Variants in CAMTA1 observed in about 807,000 individuals in gnomAD.
CAMTA1 encodes calmodulin binding transcription activator 1, also known as calmodulin-binding transcription activator 1.
Under a neutral mutation model 170.9 loss-of-function variants are expected in CAMTA1, and 27 were observed. The observed-to-expected ratio is 0.16, with a 90% confidence interval of 0.12 to 0.22. The LOEUF is 0.22. Ranked by LOEUF, CAMTA1 falls within the 10% of genes least tolerant of loss-of-function variation. The pLI, the probability that CAMTA1 is intolerant of heterozygous loss-of-function variation, is 1.00. For missense variants in CAMTA1, 1,619 were observed against 2,217.2 expected, an observed-to-expected ratio of 0.73 and a Z score of 5.42; for synonymous variants, 833 against 891.5, an observed-to-expected ratio of 0.93 and a Z score of 1.17.
intron 6 of CAMTA1, among the ~76,000 whole-genome samples, chr1:7,575,664 A>G (rs2095182071): frequency 6.6e-6 from 1 of 152,228 alleles, no homozygotes; most frequent in Non-Finnish European, 1.5e-5. Context: ...ATCAAGGAGG[A>G]GTCTGAGTTC....
chr1:6,892,330 G>T (rs1557775635), intron 3 of CAMTA1, among the ~76,000 whole-genome samples: 1 of 152,152 alleles, frequency 6.6e-6, no homozygotes, highest in Non-Finnish European at 1.5e-5. Context: ...CCATCAGCAG[G>T]CTCTGGGATA....
chr1:7,404,369 A>T (rs2090137556), intron 5 of CAMTA1, among the ~76,000 whole-genome samples: 1 of 152,164 alleles, frequency 6.6e-6, no homozygotes, highest in African/African-American at 2.4e-5. Context: ...TATTCCGTAC[A>T]ATTCTATATG....
intron 3 of CAMTA1, among the ~76,000 whole-genome samples, chr1:6,928,868 C>T (rs1217716496): frequency 6.6e-6 from 1 of 152,230 alleles, no homozygotes; most frequent in African/African-American, 2.4e-5. Flanking sequence ...CAAGCTTCAT[C>T]ATGCAGGCAG....
At chr1:7,405,246 G>A (rs922191509) in intron 5 of CAMTA1, among the ~76,000 whole-genome samples, 5 of 152,142 alleles carry the variant, frequency 3.3e-5, no homozygotes, top group Non-Finnish European at 7.4e-5. Context: ...CACAAGATGG[G>A]CCTAAAAGCG....
intron 11 of CAMTA1, among the ~76,000 whole-genome samples, chr1:7,692,056 C>T (rs979439383): frequency 2.0e-5 from 3 of 152,040 alleles, no homozygotes; most frequent in African/African-American, 7.2e-5. Flanking sequence ...TCAGGGCTGA[C>T]TGCAGCTTTA....
At chr1:7,487,806 G>C (rs2093637564) in intron 6 of CAMTA1, among the ~76,000 whole-genome samples, 1 of 152,202 alleles carries the variant, frequency 6.6e-6, no homozygotes, top group African/African-American at 2.4e-5. Context: ...GCCCTTGTCT[G>C]TCCTTCACCC....
chr1:7,494,673 G>A lies in CAMTA1; in HGVS notation c.510+26772G>A, dbSNP rs190200963. Among the ~76,000 whole-genome samples the A allele has an allele frequency of 6.4e-3, 969 of 152,070 alleles. 11 individuals carry two copies. The highest frequency in any genetic ancestry group is 0.054 in the Middle Eastern group (16 of 294). ...ACAAAAATTAGCCAGGTGTGGTGGC[G>A]CACACCTGTAATCCCAGCTACTCAG... On this transcript the variant is annotated intron_variant, in intron 6 of 22. Coordinates refer to ENST00000303635, the MANE Select transcript of CAMTA1 (RefSeq NM_015215.4).
chr1:7,425,044 T>G (rs1184910477), intron 5 of CAMTA1, among the ~76,000 whole-genome samples: 1 of 152,078 alleles, frequency 6.6e-6, no homozygotes, highest in Non-Finnish European at 1.5e-5. Context: ...AGAGCACTGC[T>G]TATTTACTTT....
chr1:6,785,633 C>T (rs1638927989), intron 1 of CAMTA1, 58 bp downstream of exon 1: 4 of 954,252 alleles, frequency 4.2e-6, no homozygotes, highest in Non-Finnish European at 3.8e-6. Flanking sequence ...GGACCCGGCC[C>T]CGCCGGACAT....
At chr1:7,743,645 T>C (rs1418015157) in intron 16 of CAMTA1, among the ~76,000 whole-genome samples, 1 of 152,070 alleles carries the variant, frequency 6.6e-6, no homozygotes, top group East Asian at 1.9e-4. Context: ...AGGAGAAGCA[T>C]TTTGTCACTT....
chr1:7,119,263 C>T (rs1425889050), intron 4 of CAMTA1, among the ~76,000 whole-genome samples: 22 of 152,160 alleles, frequency 1.4e-4, no homozygotes, highest in Non-Finnish European at 2.6e-4. Context: ...CTGCTGAAAC[C>T]CCACCTTTCT....
chr1:7,194,239 T>G (rs2148966134), intron 4 of CAMTA1, among the ~76,000 whole-genome samples: 1 of 152,318 alleles, frequency 6.6e-6, no homozygotes, highest in East Asian at 1.9e-4. Context: ...AGCTACTTTT[T>G]TGGTACGTTG....
intron 5 of CAMTA1, among the ~76,000 whole-genome samples, chr1:7,330,262 C>G (rs1400471686): frequency 6.6e-6 from 1 of 152,148 alleles, no homozygotes; most frequent in African/African-American, 2.4e-5. Flanking sequence ...AACAGAGGGT[C>G]CAAGACACCA....
At chr1:7,088,442 C>T (rs978977063) in intron 3 of CAMTA1, among the ~76,000 whole-genome samples, 2 of 152,196 alleles carry the variant, frequency 1.3e-5, no homozygotes, top group African/African-American at 2.4e-5. Flanking sequence ...CTGTACCCAT[C>T]GCTCGACTGT....
At chr1:6,946,386 G>C (rs1436067294) in intron 3 of CAMTA1, among the ~76,000 whole-genome samples, 1 of 152,008 alleles carries the variant, frequency 6.6e-6, no homozygotes, top group Non-Finnish European at 1.5e-5. Flanking sequence ...TAGAGCTGAG[G>C]TCTTGCTATA....
At chr1:7,302,865 G>A (rs916839995) in intron 5 of CAMTA1, among the ~76,000 whole-genome samples, 9 of 152,184 alleles carry the variant, frequency 5.9e-5, no homozygotes, top group East Asian at 1.9e-4. Context: ...CTGGCAATCT[G>A]CAGCAGAATT....
intron 11 of CAMTA1, among the ~76,000 whole-genome samples, chr1:7,695,375 C>T (rs977953896): frequency 1.3e-5 from 2 of 152,230 alleles, no homozygotes; most frequent in African/African-American, 2.4e-5. Context: ...GACATCATTC[C>T]TCCCCGGCGT....
intron 4 of CAMTA1, among the ~76,000 whole-genome samples, chr1:7,165,259 T>C (rs1215794985): frequency 6.6e-6 from 1 of 152,174 alleles, no homozygotes; most frequent in East Asian, 1.9e-4. Flanking sequence ...GCATAGAGAA[T>C]AATGTAATGT....
Position 7,064,573 on chromosome 1 carries a change from C to T in CAMTA1, c.235-26731C>T, listed in dbSNP as rs896504701. On this transcript the variant is annotated intron_variant, in intron 3 of 22. Coordinates refer to ENST00000303635, the MANE Select transcript of CAMTA1 (RefSeq NM_015215.4). The surrounding 1 kb of genome is among the most constrained non-coding windows in gnomAD (Gnocchi z 5.4). ...GTCCCTGAGGAGGCAGCAGTTTAAGCTGAGATGGGAAGGAAGAGAGGAAGG... is the reference window on the plus strand; with the variant it reads ...GTCCCTGAGGAGGCAGCAGTTTAAGTTGAGATGGGAAGGAAGAGAGGAAGG... 1.3e-5 allele frequency among the ~76,000 whole-genome samples: 2 copies of T among 152,006 alleles called. No individual in the cohort carries two copies. The highest frequency in any genetic ancestry group is 4.8e-5 in the African/African-American group (2 of 41,356).
Sources: gnomAD v4.1 joint callset for allele counts (sites outside exome capture counted in the v4.1 genomes callset) on GRCh38, gnomAD v4.1.1 for gene constraint, Gnocchi (gnomAD v3.1) non-coding constraint, MANE v1.5 for transcripts, NCBI Gene and HGNC (gene_info 2026-07-23, HGNC 2026-07-21) for gene names.